The following NKAIN3 variants were observed in gnomAD, a reference collection of about 807,000 sequenced individuals.
NKAIN3 encodes the protein sodium/potassium transporting ATPase interacting 3.
A neutral mutation model predicts 30.2 loss-of-function variants in NKAIN3; 25 were observed. That is an observed-to-expected ratio of 0.83 (90% CI 0.60 to 1.16). The LOEUF (loss-of-function observed/expected upper bound fraction) is 1.16. Ranked by LOEUF, NKAIN3 falls within the 50% of genes most tolerant of loss-of-function variation. The pLI is 0.00. For synonymous variants in NKAIN3, 91 were observed against 89.6 expected, an observed-to-expected ratio of 1.02 and a Z score of -0.09; for missense variants, 225 against 254.1, an observed-to-expected ratio of 0.89 and a Z score of 0.78.
chr8:62,966,466 A>G lies in NKAIN3; in HGVS notation c.*1059A>G. On this transcript the variant is annotated 3_prime_UTR_variant, in exon 7 of 7. Coordinates refer to ENST00000623646, the MANE Select transcript of NKAIN3 (RefSeq NM_001304533.3). ...AAAACTTACATATGGTAAAATGCAC[A>G]AATATTAATGGTACGATTTGATTAG... 1 of 787,464 alleles carries G rather than the reference A, an allele frequency of 1.3e-6. No individual in the cohort carries two copies. Among genetic ancestry groups the G allele is most frequent in the Non-Finnish European group, 1.5e-6 (1 of 649,146 alleles). 48.8% of individuals were successfully genotyped at this position (787,464 alleles called of 1,614,324 possible).
intron 1 of NKAIN3, among the ~76,000 whole-genome samples, chr8:62,318,049 G>A (rs1351945923): frequency 6.6e-6 from 1 of 152,130 alleles, no homozygotes; most frequent in Non-Finnish European, 1.5e-5. Flanking sequence ...ATTGTGAATG[G>A]GAATTTACTC....
At chr8:62,465,909 G>A (rs993390489) in intron 1 of NKAIN3, among the ~76,000 whole-genome samples, 1 of 152,044 alleles carries the variant, frequency 6.6e-6, no homozygotes, top group Admixed American at 6.6e-5. Flanking sequence ...TGTAATCCCA[G>A]CTACTTGGGA....
chr8:62,873,618 C>A (rs1278822018), intron 4 of NKAIN3, among the ~76,000 whole-genome samples: 1 of 151,082 alleles, frequency 6.6e-6, no homozygotes, highest in Non-Finnish European at 1.5e-5. Flanking sequence ...TGTAAAGAAA[C>A]TGAAATCATA....
At position 62,897,288 on chromosome 8, in the gene NKAIN3, G is replaced by A. The variant is rs143184500; in HGVS notation, c.472-21165G>A. Among the ~76,000 whole-genome samples the A allele has an allele frequency of 2.5e-3, 380 of 152,070 alleles. 1 individual carries two copies. Among genetic ancestry groups the A allele is most frequent in the African/African-American group, 8.7e-3 (360 of 41,500 alleles). On this transcript the variant is annotated intron_variant, in intron 4 of 6. Transcript: ENST00000623646. ...TCAACAAAGTAATAGAACAGGCAAT[G>A]TTTTTTATTACATTGAGGACTTTCA... is the stretch of plus-strand genomic sequence containing the variant.
intron 3 of NKAIN3, among the ~76,000 whole-genome samples, chr8:62,624,575 T>TTTTG (rs993068656): frequency 6.6e-6 from 1 of 151,688 alleles, no homozygotes; most frequent in Non-Finnish European, 1.5e-5. Flanking sequence ...CAGTTGTAGG[T>TTTTG]TTTGTTTGTT....
At chr8:62,420,150 G>A (rs989639223) in intron 1 of NKAIN3, among the ~76,000 whole-genome samples, 1 of 152,074 alleles carries the variant, frequency 6.6e-6, no homozygotes. Context: ...CTATCATTTT[G>A]TTGTAGGAAA....
At chr8:62,313,416 C>T (rs1814511342) in intron 1 of NKAIN3, among the ~76,000 whole-genome samples, 2 of 151,952 alleles carry the variant, frequency 1.3e-5, no homozygotes, top group African/African-American at 4.8e-5. Flanking sequence ...TTTTCTTCTT[C>T]CAATTTTTTC....
intron 4 of NKAIN3, among the ~76,000 whole-genome samples, chr8:62,747,679 G>A (rs1816128185): frequency 6.6e-6 from 1 of 152,206 alleles, no homozygotes; most frequent in Non-Finnish European, 1.5e-5. Flanking sequence ...TAATGTGCCA[G>A]GGATTCCTTA....
chr8:62,907,729 A>T (rs965096297), intron 4 of NKAIN3, among the ~76,000 whole-genome samples: 14 of 152,208 alleles, frequency 9.2e-5, no homozygotes, highest in Admixed American at 2.6e-4. Flanking sequence ...AGAGGCACAG[A>T]AATTAAGAAC....
intron 3 of NKAIN3, among the ~76,000 whole-genome samples, chr8:62,629,277 T>A (rs1488932653): frequency 2.0e-5 from 3 of 152,166 alleles, no homozygotes; most frequent in Non-Finnish European, 4.4e-5. Flanking sequence ...GATTTTTTTA[T>A]ATTTCCTTAT....
At chr8:62,823,561 A>G (rs902004245) in intron 4 of NKAIN3, among the ~76,000 whole-genome samples, 2 of 152,288 alleles carry the variant, frequency 1.3e-5, no homozygotes, top group Admixed American at 6.5e-5. Context: ...ATTTCAACAA[A>G]AAGAAGAATG....
At chr8:62,670,561 G>T (rs1242533960) in intron 3 of NKAIN3, among the ~76,000 whole-genome samples, 1 of 152,050 alleles carries the variant, frequency 6.6e-6, no homozygotes, top group East Asian at 1.9e-4. Flanking sequence ...TGTGTGCTGC[G>T]TTGGTTGGTT....
At chr8:62,289,585 C>G (rs1271563108) in intron 1 of NKAIN3, among the ~76,000 whole-genome samples, 1 of 152,098 alleles carries the variant, frequency 6.6e-6, no homozygotes, top group Admixed American at 6.6e-5. Flanking sequence ...GGGCTCTATT[C>G]TATTCTATTG....
chr8:62,861,189 T>A (rs954208068), intron 4 of NKAIN3, among the ~76,000 whole-genome samples: 1 of 152,184 alleles, frequency 6.6e-6, no homozygotes, highest in Non-Finnish European at 1.5e-5. Context: ...CTGGGGATCC[T>A]CAAAGTTCCA....
At chr8:62,457,509 C>CAAT (rs1805857038) in intron 1 of NKAIN3, among the ~76,000 whole-genome samples, 1 of 152,192 alleles carries the variant, frequency 6.6e-6, no homozygotes, top group Admixed American at 6.5e-5. Flanking sequence ...CCAACTATGA[C>CAAT]TGTGTAACTT....
chr8:62,442,668 C>T (rs543617990), intron 1 of NKAIN3, among the ~76,000 whole-genome samples: 190 of 150,898 alleles, frequency 1.3e-3, no homozygotes, highest in African/African-American at 4.2e-3. Context: ...TTTATAATAT[C>T]TAACTTGTTT....
chr8:62,490,184 A>C (rs6982729), intron 1 of NKAIN3, among the ~76,000 whole-genome samples: 21,568 of 152,206 alleles, frequency 0.14, 2,006 homozygotes, highest in Middle Eastern at 0.23. Context: ...AGATGCGATT[A>C]AAGTTCATAA....
At chr8:62,298,773 A>G (rs1195934057) in intron 1 of NKAIN3, among the ~76,000 whole-genome samples, 1 of 151,650 alleles carries the variant, frequency 6.6e-6, no homozygotes, top group African/African-American at 2.4e-5. Flanking sequence ...TTTTTGTGGC[A>G]TTTATCATAA....
At chr8:62,572,321 C>T (rs781461031) in intron 1 of NKAIN3, among the ~76,000 whole-genome samples, 9 of 152,192 alleles carry the variant, frequency 5.9e-5, no homozygotes, top group Non-Finnish European at 8.8e-5. Context: ...CTGAGACCAC[C>T]TTAGCCTGGA....
Sources: gnomAD v4.1 joint callset for allele counts (sites outside exome capture counted in the v4.1 genomes callset) on GRCh38, gnomAD v4.1.1 for gene constraint, MANE v1.5 for transcripts, NCBI Gene and HGNC (gene_info 2026-07-23, HGNC 2026-07-21) for gene names.